The following USH2A variants were observed in gnomAD, a reference collection of about 807,000 sequenced individuals.
USH2A encodes the protein Usher syndrome 2A (autosomal recessive, mild).
Under a neutral mutation model 538.9 loss-of-function variants are expected in USH2A, and 443 were observed. The observed-to-expected ratio is 0.82, with a 90% CI of 0.76 to 0.89. The LOEUF is 0.89. Ranked by LOEUF, USH2A falls within the 40% of genes least tolerant of loss-of-function variation. The pLI, the probability that USH2A is intolerant of heterozygous loss-of-function variation, is 0.00. For missense variants in USH2A, 6,633 were observed against 6,324.8 expected, an observed-to-expected ratio of 1.05 and a Z score of -1.65; for synonymous variants, 2,413 against 2,273.5, an observed-to-expected ratio of 1.06 and a Z score of -1.75.
At chr1:216,387,524 C>T (rs530204573) in intron 3 of USH2A, among the ~76,000 whole-genome samples, 39 of 152,244 alleles carry the variant, frequency 2.6e-4, no homozygotes, top group African/African-American at 9.1e-4. Context: ...AGATGCTGAA[C>T]GTTTTGTAAT....
At chr1:216,406,869 A>G (rs184280295) in intron 3 of USH2A, among the ~76,000 whole-genome samples, 165 of 152,270 alleles carry the variant, frequency 1.1e-3, no homozygotes, top group African/African-American at 3.9e-3. Flanking sequence ...AACTGGAATA[A>G]CACAATGGGT....
chr1:215,949,856 A>G (rs2102439516), intron 37 of USH2A, among the ~76,000 whole-genome samples: 1 of 152,244 alleles, frequency 6.6e-6, no homozygotes, highest in South Asian at 2.1e-4. Flanking sequence ...TTCCATAAAT[A>G]CCAAAACAAA....
rs1665685156 is a variant in USH2A at position 215,908,131 on chromosome 1, T to G, written c.7301-7226A>C. Among the ~76,000 whole-genome samples, 3 of 92,132 alleles carry G rather than the reference T, an allele frequency of 3.3e-5. No individual in the cohort carries two copies. The Admixed American group carries it at 3.7e-4, about 11-fold the overall frequency. The allele number at this position is 92,132 out of a possible 152,430, so 60.4% of individuals were successfully genotyped here. ...TATTTCACAGATATAAAAACTGAGT[T>G]TAGAAAAGGCTAAGCAACGTCTCAA... On this transcript the variant is annotated intron_variant, in intron 38 of 71. Transcript: ENST00000307340.
At chr1:215,635,387 C>A (rs1057312259) in intron 69 of USH2A, among the ~76,000 whole-genome samples, 1 of 152,088 alleles carries the variant, frequency 6.6e-6, no homozygotes, top group Admixed American at 6.5e-5. Flanking sequence ...CTTTGCTTGG[C>A]GTTCACACAT....
chr1:215,828,427 C>A (rs541169760), intron 47 of USH2A, among the ~76,000 whole-genome samples: 1 of 152,054 alleles, frequency 6.6e-6, no homozygotes, highest in Non-Finnish European at 1.5e-5. Context: ...GGTGACAGAA[C>A]GAGATCCTGT....
At chr1:216,128,385 T>G (rs934869881) in intron 21 of USH2A, among the ~76,000 whole-genome samples, 1 of 152,100 alleles carries the variant, frequency 6.6e-6, no homozygotes, top group South Asian at 2.1e-4. Context: ...CCAAGTTCAG[T>G]GCTTTTGTTT....
chr1:215,627,426 TTCCTTCCTTCC>T (rs1558027375), intron 71 of USH2A, among the ~76,000 whole-genome samples: 2,146 of 124,134 alleles, frequency 0.017, 85 homozygotes, highest in South Asian at 0.048. Flanking sequence ...CCTTCCTTCC[TTCCTTCCTTCC>T]TTCCTTCCTT....
At chr1:215,849,188 A>G (rs538334706) in intron 44 of USH2A, among the ~76,000 whole-genome samples, 1 of 152,228 alleles carries the variant, frequency 6.6e-6, no homozygotes, top group African/African-American at 2.4e-5. Flanking sequence ...CTTCCAAGGC[A>G]GAAGTTTTGT....
chr1:215,741,685 A>G, intron 59 of USH2A, 148 bp from the exon 60 acceptor site: 1 of 911,336 alleles, frequency 1.1e-6, no homozygotes, highest in Non-Finnish European at 1.6e-6. Flanking sequence ...ATAAATTTTT[A>G]TGGGATTTGA....
intron 11 of USH2A, among the ~76,000 whole-genome samples, chr1:216,256,977 T>C (rs1480555787): frequency 6.6e-6 from 1 of 151,978 alleles, no homozygotes; most frequent in Non-Finnish European, 1.5e-5. Context: ...AATTATTGTG[T>C]TATTACTGCC....
At chr1:216,241,638 G>A (rs2035940437) in intron 13 of USH2A, among the ~76,000 whole-genome samples, 1 of 151,902 alleles carries the variant, frequency 6.6e-6, no homozygotes, top group Non-Finnish European at 1.5e-5. Flanking sequence ...AGGTTCAAGC[G>A]ATTCTCCTGC....
At chr1:215,919,473 G>A (rs534149868) in intron 38 of USH2A, among the ~76,000 whole-genome samples, 77 of 152,080 alleles carry the variant, frequency 5.1e-4, no homozygotes, top group African/African-American at 1.8e-3. Flanking sequence ...CTAGTAGGAG[G>A]GGGGAAATTA....
chr1:215,967,915 T>A (rs1428285883), intron 36 of USH2A, among the ~76,000 whole-genome samples: 1 of 152,118 alleles, frequency 6.6e-6, no homozygotes, highest in Non-Finnish European at 1.5e-5. Flanking sequence ...CCCTGGAGAA[T>A]CGATCCAATG....
intron 11 of USH2A, among the ~76,000 whole-genome samples, chr1:216,279,177 T>G (rs574645134): frequency 2.6e-5 from 4 of 152,206 alleles, no homozygotes; most frequent in Non-Finnish European, 5.9e-5. Flanking sequence ...TTCTCTCTTT[T>G]TATATAATTA....
chr1:215,666,489 T>G (rs1451569215), intron 64 of USH2A, among the ~76,000 whole-genome samples: 1 of 152,162 alleles, frequency 6.6e-6, no homozygotes, highest in Non-Finnish European at 1.5e-5. Context: ...TTGGGCTGTT[T>G]ATGACAGTTT....
At chr1:215,773,759 C>T (rs1661372966) in intron 55 of USH2A, among the ~76,000 whole-genome samples, 1 of 152,118 alleles carries the variant, frequency 6.6e-6, no homozygotes, top group Non-Finnish European at 1.5e-5. Flanking sequence ...TCTCTGCCTA[C>T]TGAGATTCCC....
intron 30 of USH2A, among the ~76,000 whole-genome samples, chr1:216,061,098 G>A (rs1016845831): frequency 6.6e-6 from 1 of 152,168 alleles, no homozygotes; most frequent in Non-Finnish European, 1.5e-5. Flanking sequence ...TCTAGACCCT[G>A]TGGCCCAAAG....
At chr1:216,146,339 G>C (rs1335627207) in intron 21 of USH2A, among the ~76,000 whole-genome samples, 1 of 152,180 alleles carries the variant, frequency 6.6e-6, no homozygotes, top group South Asian at 2.1e-4. Context: ...AGACAAAAGA[G>C]ACATGTTTTA....
intron 37 of USH2A, among the ~76,000 whole-genome samples, chr1:215,951,965 C>T (rs1240057202): frequency 2.6e-5 from 4 of 151,472 alleles, no homozygotes; most frequent in East Asian, 1.9e-4. Flanking sequence ...CCCGGGTTCA[C>T]GCCATTCTCC....
Sources: gnomAD v4.1 joint callset for allele counts (sites outside exome capture counted in the v4.1 genomes callset) on GRCh38, gnomAD v4.1.1 for gene constraint, MANE v1.5 for transcripts, NCBI Gene and HGNC (gene_info 2026-07-23, HGNC 2026-07-21) for gene names.